Variants in ANK2 observed in about 807,000 individuals in gnomAD.
The protein encoded by ANK2 is ankyrin-2.
ANK2 carries 83 observed loss-of-function variants against 360.5 expected under a neutral mutation model. That is an observed-to-expected ratio of 0.23 (90% confidence interval 0.19 to 0.28). ANK2 has a LOEUF of 0.28. Among genes scored for constraint, ANK2 ranks in the 10% least tolerant of loss-of-function variants. The pLI, the probability that ANK2 is intolerant of heterozygous loss-of-function variation, is 1.00. For missense variants in ANK2, 4,201 were observed against 4,795.7 expected (o/e 0.88, Z 3.66); for synonymous variants, 1,740 against 1,759.5 (o/e 0.99, Z 0.28).
At chr4:113,040,479 A>G (rs1198590247) in intron 2 of ANK2, among the ~76,000 whole-genome samples, 1 of 152,024 alleles carries the variant, frequency 6.6e-6, no homozygotes, top group Non-Finnish European at 1.5e-5. Context: ...TCCCTAAACA[A>G]TTGCTGCTGC....
chr4:113,318,237 T>A (rs192823028), intron 25 of ANK2, among the ~76,000 whole-genome samples: 50 of 152,324 alleles, frequency 3.3e-4, no homozygotes, highest in African/African-American at 1.1e-3. Context: ...TTAGTTATGA[T>A]TTTATCACTT....
chr4:113,065,713 T>G (rs1000293718), intron 1 of ANK2, among the ~76,000 whole-genome samples: 1 of 152,204 alleles, frequency 6.6e-6, no homozygotes, highest in African/African-American at 2.4e-5. Flanking sequence ...AAGCCCCTGA[T>G]CTACTGCATG....
At chr4:112,807,974 A>G in the ANK2 span, among the ~76,000 whole-genome samples, 3 of 152,276 alleles carry the variant, frequency 2.0e-5, no homozygotes, top group Non-Finnish European at 2.9e-5. Context: ...CAGGATTTAT[A>G]TAACCATTTA....
Position 113,369,507 on chromosome 4 carries a change from A to T in ANK2, c.11319-7A>T, listed in dbSNP as rs745374112. The T allele has an allele frequency of 6.2e-7, 1 of 1,613,394 alleles. No individual in the cohort carries two copies. The highest frequency in any genetic ancestry group is 2.2e-5 in the East Asian group (1 of 44,882). On this transcript the variant is annotated splice_region_variant and splice_polypyrimidine_tract_variant and intron_variant, in intron 42 of 45. Transcript: ENST00000357077. The stretch of plus-strand genomic sequence containing the variant: ...CCCTGAAGTCTCATTTGGCTTTTTG[A>T]TTCCAGTGTGACAACTCCAGGAACA...
chr4:113,213,600 A>AT (rs1307231684), intron 4 of ANK2, among the ~76,000 whole-genome samples: 1 of 152,220 alleles, frequency 6.6e-6, no homozygotes, highest in African/African-American at 2.4e-5. Context: ...TATGCAAATA[A>AT]TTTACATTGA....
At chr4:112,758,773 C>A in the ANK2 span, among the ~76,000 whole-genome samples, 1 of 152,140 alleles carries the variant, frequency 6.6e-6, no homozygotes, top group Non-Finnish European at 1.5e-5. Flanking sequence ...AGTAACGACG[C>A]CACGGATTTG....
At chr4:112,818,888 C>T (rs916848192) in intron 1 of ANK2, among the ~76,000 whole-genome samples, 1 of 152,124 alleles carries the variant, frequency 6.6e-6, no homozygotes, top group South Asian at 2.1e-4. Context: ...GTTCTTTCTC[C>T]CTTTCCCAGC....
chr4:113,091,249 A>G (rs1333629914), intron 1 of ANK2, among the ~76,000 whole-genome samples: 1 of 152,166 alleles, frequency 6.6e-6, no homozygotes, highest in Non-Finnish European at 1.5e-5. Flanking sequence ...CACAGCCTAA[A>G]ATTTTGACTT....
chr4:112,881,046 ACT>A (rs771234743), intron 1 of ANK2, among the ~76,000 whole-genome samples: 3 of 152,230 alleles, frequency 2.0e-5, no homozygotes, highest in African/African-American at 4.8e-5. Context: ...CTGAATTCTC[ACT>A]CTCTTTTATA....
chr4:113,151,232 C>T lies in ANK2; in HGVS notation c.85-23184C>T, dbSNP rs190056737. 4.9e-4 allele frequency: 422 copies of T among 867,592 alleles called. 2 individuals carry two copies. The African/African-American group carries it at 6.2e-3, about 13-fold the overall frequency. 53.7% of individuals were successfully genotyped at this position (867,592 alleles called of 1,614,324 possible). A position where few individuals can be genotyped will look rare whatever the true frequency, so the allele number is the denominator to read the frequency against. ...AAGGAATGTACCCTTACTGCAATTG[C>T]ACACATTACTTGTTGTCGTAGTTCA... is the stretch of plus-strand genomic sequence containing the variant. On this transcript the variant is annotated intron_variant, in intron 1 of 45. Transcript: ENST00000357077.
chr4:113,129,661 G>T (rs1049115904), intron 1 of ANK2, among the ~76,000 whole-genome samples: 2 of 152,048 alleles, frequency 1.3e-5, no homozygotes, highest in African/African-American at 4.8e-5. Context: ...AAACTATTTT[G>T]TTCATAGTAC....
At chr4:113,361,953 C>T (rs73841991) in intron 39 of ANK2, among the ~76,000 whole-genome samples, 2,204 of 152,216 alleles carry the variant, frequency 0.014, 61 homozygotes, top group African/African-American at 0.05. Flanking sequence ...ATATGACTCT[C>T]ACACCTACTT....
intron 4 of ANK2, among the ~76,000 whole-genome samples, chr4:113,230,860 CTTGT>C (rs2099285700): frequency 1.3e-5 from 2 of 152,084 alleles, no homozygotes; most frequent in Non-Finnish European, 2.9e-5. Flanking sequence ...ATGTGTCTGT[CTTGT>C]TTATCACTGT....
intron 17 of ANK2, among the ~76,000 whole-genome samples, chr4:113,279,736 A>C (rs936799843): frequency 6.7e-6 from 1 of 149,416 alleles, no homozygotes; most frequent in African/African-American, 2.4e-5. Flanking sequence ...AACTTTGTAC[A>C]CATACATACA....
At chr4:113,240,896 A>C (rs528894025) in intron 8 of ANK2, among the ~76,000 whole-genome samples, 1 of 152,354 alleles carries the variant, frequency 6.6e-6, no homozygotes, top group South Asian at 2.1e-4. Flanking sequence ...TCAAAAAATT[A>C]TTAAACTGTT....
chr4:112,710,905 A>ATATC, the ANK2 span, among the ~76,000 whole-genome samples: 1 of 130,720 alleles, frequency 7.6e-6, no homozygotes, highest in African/African-American at 3.2e-5. Context: ...AACAGGTTTT[A>ATATC]TATATATATA....
chr4:112,711,525 A>G, the ANK2 span, among the ~76,000 whole-genome samples: 6 of 152,132 alleles, frequency 3.9e-5, no homozygotes, highest in Non-Finnish European at 8.8e-5. Context: ...TGTCCAAGAA[A>G]AACACAACAG....
At chr4:113,069,438 A>C (rs2076770332) in intron 1 of ANK2, among the ~76,000 whole-genome samples, 1 of 152,238 alleles carries the variant, frequency 6.6e-6, no homozygotes, top group African/African-American at 2.4e-5. Flanking sequence ...CGGAGAGAAG[A>C]GGAAGTGTAC....
chr4:112,996,861 G>C (rs2048708737), intron 2 of ANK2, among the ~76,000 whole-genome samples: 1 of 151,726 alleles, frequency 6.6e-6, no homozygotes. Context: ...TCTAATTTTT[G>C]TACGCATTAA....
Sources: allele counts gnomAD v4.1 joint callset (sites outside exome capture counted in the v4.1 genomes callset), GRCh38; gene constraint gnomAD v4.1.1; transcripts MANE v1.5; gene names NCBI Gene and HGNC (gene_info 2026-07-23, HGNC 2026-07-21).